The following SRGAP1 variants were observed in gnomAD, a reference collection of about 807,000 sequenced individuals.
SRGAP1 encodes the protein SLIT-ROBO Rho GTPase activating protein 1.
A neutral mutation model predicts 121.9 loss-of-function variants in SRGAP1; 43 were observed. The observed-to-expected ratio is 0.35, with a 90% CI of 0.28 to 0.46. The LOEUF is 0.46. SRGAP1 is among the 20% of genes least tolerant of loss of function. The pLI is 1.00. For missense variants in SRGAP1, 1,102 were observed against 1,350.9 expected (o/e 0.82, Z 2.89); for synonymous variants, 447 against 485.4 (o/e 0.92, Z 1.04).
intron 1 of SRGAP1, among the ~76,000 whole-genome samples, chr12:63,941,140 A>C (rs965993571): frequency 2.0e-5 from 3 of 151,766 alleles, no homozygotes; most frequent in African/African-American, 7.3e-5. Context: ...ATAAATATAT[A>C]TTAAATTAGT....
chr12:63,935,680 A>T (rs983423770), intron 1 of SRGAP1, among the ~76,000 whole-genome samples: 4 of 152,228 alleles, frequency 2.6e-5, no homozygotes, highest in African/African-American at 9.6e-5. Flanking sequence ...CTTTCTTATA[A>T]GTATTGGTAA....
chr12:63,996,036 A>AG (rs1204941996), intron 3 of SRGAP1, among the ~76,000 whole-genome samples: 1 of 151,934 alleles, frequency 6.6e-6, no homozygotes, highest in African/African-American at 2.4e-5. Flanking sequence ...TTTTAAAAAA[A>AG]GTACCATAAG....
chr12:63,994,319 A>G (rs1188736321), intron 3 of SRGAP1, among the ~76,000 whole-genome samples: 1 of 152,232 alleles, frequency 6.6e-6, no homozygotes, highest in Non-Finnish European at 1.5e-5. Context: ...TAAGGAGAGT[A>G]TCATAATGAT....
intron 1 of SRGAP1, among the ~76,000 whole-genome samples, chr12:63,845,140 C>A (rs868246878): frequency 6.6e-6 from 1 of 152,300 alleles, no homozygotes. Flanking sequence ...GGGGAGAGAA[C>A]TGGCTTTAAC....
Position 64,003,479 on chromosome 12 carries a change from A to G in SRGAP1, c.426+13407A>G, listed in dbSNP as rs371994165. On this transcript the variant is annotated intron_variant, in intron 3 of 21. Transcript: ENST00000355086. ...TGAATGGAAAGCCAGGAAGTTTCAG[A>G]AAAAAAAAAAAAAAAAAAAAGGTAT... Among the ~76,000 whole-genome samples, 214 of 114,008 alleles carry G rather than the reference A, an allele frequency of 1.9e-3. No individual in the cohort carries two copies. In the Middle Eastern group the frequency reaches 0.02, roughly 11 times the overall value. 74.8% of individuals were successfully genotyped at this position (114,008 alleles called of 152,430 possible). A position where few individuals can be genotyped will look rare whatever the true frequency, so the allele number is the denominator to read the frequency against.
rs2037082640 is a variant in SRGAP1 at position 64,148,281 on chromosome 12, A to ACTT, written c.*5610_*5612dup. On this transcript the variant is annotated 3_prime_UTR_variant, in exon 22 of 22. Transcript: ENST00000355086. ...TCCCCGTGTATTGGTATTTTTCTTTACTTTTTTTTTTTTTTTTTTGAGACG... is the reference window on the plus strand; with the variant it reads ...TCCCCGTGTATTGGTATTTTTCTTTACTTCTTTTTTTTTTTTTTTTTTGAGACG... The ACTT allele has an allele frequency of 9.4e-6, 1 of 106,146 alleles. No homozygotes were observed. The allele number at this position is 106,146 out of a possible 1,614,324, so 6.6% of individuals were successfully genotyped here.
At chr12:63,858,483 C>T (rs1016537775) in intron 1 of SRGAP1, among the ~76,000 whole-genome samples, 5 of 151,064 alleles carry the variant, frequency 3.3e-5, no homozygotes, top group Non-Finnish European at 7.4e-5. Flanking sequence ...AGCCTGACCA[C>T]GAATCTGTTA....
chr12:64,073,127 G>T (rs1158107886), intron 8 of SRGAP1, among the ~76,000 whole-genome samples: 2 of 152,098 alleles, frequency 1.3e-5, no homozygotes, highest in African/African-American at 4.8e-5. Flanking sequence ...TATGGCTGGT[G>T]TATGTCAGAA....
At chr12:63,991,310 C>T (rs2033551201) in intron 3 of SRGAP1, among the ~76,000 whole-genome samples, 1 of 152,138 alleles carries the variant, frequency 6.6e-6, no homozygotes. Context: ...CAGAGAGGCT[C>T]CTTAAAACAA....
intron 17 of SRGAP1, among the ~76,000 whole-genome samples, chr12:64,113,728 T>C (rs754067329): frequency 2.0e-5 from 3 of 152,224 alleles, no homozygotes; most frequent in Non-Finnish European, 4.4e-5. Flanking sequence ...ATCTCTTTTA[T>C]TTAGCATGAC....
In SRGAP1 at chr12:64,153,237, C is replaced by G. The variant is rs2037135862; in HGVS notation, c.*10565C>G. 1.3e-5 allele frequency: 2 copies of G among 151,902 alleles called. No homozygotes were observed. Among genetic ancestry groups the G allele is most frequent in the South Asian group, 4.1e-4 (2 of 4,822 alleles). The allele number at this position is 151,902 out of a possible 1,614,324, so 9.4% of individuals were successfully genotyped here. A position where few individuals can be genotyped will look rare whatever the true frequency, so the allele number is the denominator to read the frequency against. On this transcript the variant is annotated 3_prime_UTR_variant, in exon 22 of 22. Transcript: ENST00000355086. ...AAACACATTCACTGTGACTGTACCA[C>G]CATAAGCAAGAAGCCCTGGAGATGA... is the stretch of plus-strand genomic sequence containing the variant.
At chr12:63,999,039 T>C (rs1353491283) in intron 3 of SRGAP1, among the ~76,000 whole-genome samples, 1 of 152,142 alleles carries the variant, frequency 6.6e-6, no homozygotes, top group Non-Finnish European at 1.5e-5. Context: ...GAGAAGCCCC[T>C]TACTTCTTAT....
chr12:63,845,682 C>G lies in SRGAP1; in HGVS notation c.67+799C>G, dbSNP rs545912072. ...GATTAAAAATATATATATTTTCTCT[C>G]CAATACAAGTATTTTGTTTTGTTAC... On this transcript the variant is annotated intron_variant, in intron 1 of 21. Coordinates refer to ENST00000355086, the MANE Select transcript of SRGAP1 (RefSeq NM_020762.4). 2.0e-5 allele frequency among the ~76,000 whole-genome samples: 3 copies of G among 152,264 alleles called. No individual in the cohort carries two copies. In the East Asian group the frequency reaches 5.8e-4, roughly 29 times the overall value.
At chr12:63,888,687 G>A (rs1900474910) in intron 1 of SRGAP1, 1 of 152,184 alleles carries the variant, frequency 6.6e-6, no homozygotes, top group Non-Finnish European at 1.5e-5. Context: ...CCTAAGCTAA[G>A]GGAATTGTTA....
chr12:63,902,796 G>T (rs933809925), intron 1 of SRGAP1, among the ~76,000 whole-genome samples: 1 of 152,094 alleles, frequency 6.6e-6, no homozygotes, highest in African/African-American at 2.4e-5. Context: ...TGTCACATTT[G>T]CTCATTTCCT....
Position 63,948,421 on chromosome 12 carries a change from C to A in SRGAP1, c.68-35526C>A, listed in dbSNP as rs1005233575. On this transcript the variant is annotated intron_variant, in intron 1 of 21. Transcript: ENST00000355086. The stretch of plus-strand genomic sequence containing the variant: ...CTCATTACCCACAGAATACTCTGCT[C>A]AGCAGGGATGCTGGTGTCTCCCACA... Among the ~76,000 whole-genome samples, 20 of 152,186 alleles carry A rather than the reference C, an allele frequency of 1.3e-4. 1 individual carries two copies. The highest frequency in any genetic ancestry group is 4.4e-5 in the Non-Finnish European group (3 of 68,032).
At chr12:64,015,213 C>T (rs184052884) in intron 3 of SRGAP1, among the ~76,000 whole-genome samples, 29 of 152,218 alleles carry the variant, frequency 1.9e-4, no homozygotes, top group Admixed American at 1.4e-3. Flanking sequence ...ATTGTTGGCC[C>T]AGATCCTTGA....
chr12:63,914,605 G>A (rs534152627), intron 1 of SRGAP1, among the ~76,000 whole-genome samples: 12 of 152,148 alleles, frequency 7.9e-5, no homozygotes, highest in South Asian at 4.2e-4. Context: ...CTTGTATCAC[G>A]TTGCCACTGA....
intron 17 of SRGAP1, among the ~76,000 whole-genome samples, chr12:64,112,482 C>A (rs964128040): frequency 7.2e-5 from 11 of 152,178 alleles, no homozygotes; most frequent in East Asian, 3.9e-4. Flanking sequence ...TCATTTTGAG[C>A]AAATTTATTA....
Sources: allele counts gnomAD v4.1 joint callset (sites outside exome capture counted in the v4.1 genomes callset), GRCh38; gene constraint gnomAD v4.1.1; transcripts MANE v1.5; gene names NCBI Gene and HGNC (gene_info 2026-07-23, HGNC 2026-07-21).